The following FAR1 variants were observed in gnomAD, a reference collection of about 807,000 sequenced individuals.
FAR1 encodes the protein male sterility domain-containing protein 2.
In FAR1, 22 loss-of-function variants were observed where a neutral mutation model predicts 61.1. That is an observed-to-expected ratio of 0.36 (90% confidence interval 0.26 to 0.51). FAR1 has a LOEUF of 0.51. FAR1 is among the 20% of genes least tolerant of loss of function. The pLI is 0.95. For synonymous variants in FAR1, 206 were observed against 209.7 expected, an observed-to-expected ratio of 0.98 and a Z score of 0.15; for missense variants, 359 against 626.9, an observed-to-expected ratio of 0.57 and a Z score of 4.56.
intron 1 of FAR1, chr11:13,669,729 G>GATCCTCCTC (rs1476535590): frequency 2.0e-5 from 3 of 152,132 alleles, no homozygotes; most frequent in Non-Finnish European, 4.4e-5. Flanking sequence ...TACTGGGGCT[G>GATCCTCCTC]ATCCTCCTCC....
intron 1 of FAR1, among the ~76,000 whole-genome samples, chr11:13,691,054 A>G (rs144719718): frequency 1.3e-5 from 2 of 152,364 alleles, no homozygotes; most frequent in East Asian, 3.9e-4. Flanking sequence ...TGGGTAATCT[A>G]TAAAGAACAG....
chr11:13,706,975 G>T (rs1848439185), intron 3 of FAR1, among the ~76,000 whole-genome samples: 1 of 152,078 alleles, frequency 6.6e-6, no homozygotes, highest in Non-Finnish European at 1.5e-5. Flanking sequence ...TTTGAACACA[G>T]GTCTGATTCC....
At chr11:13,722,565 C>T (rs1848622326) in intron 10 of FAR1, among the ~76,000 whole-genome samples, 1 of 151,958 alleles carries the variant, frequency 6.6e-6, no homozygotes, top group Non-Finnish European at 1.5e-5. Flanking sequence ...CCTCTGCCTC[C>T]CGGGTTCAAG....
chr11:13,689,583 G>A (rs1347607438), intron 1 of FAR1, among the ~76,000 whole-genome samples: 3 of 152,108 alleles, frequency 2.0e-5, no homozygotes, highest in African/African-American at 7.2e-5. Context: ...AACAAAAATG[G>A]TGCTGTTATA....
chr11:13,700,293 A>G (rs1419187056), intron 2 of FAR1, 24 bp from the exon 3 acceptor site: 3 of 1,540,568 alleles, frequency 1.9e-6, no homozygotes, highest in East Asian at 2.4e-5. Flanking sequence ...CTGCTGTAAA[A>G]TAAATATTTT....
Position 13,710,735 on chromosome 11 carries a change from G to A in FAR1, c.588G>A (p.Leu196=). Reference sequence around the variant, plus strand: ...TAGTAAATGATATCACGCCAAAATTGATAGGAGACAGACCTAATACATACA... The same window carrying A: ...TAGTAAATGATATCACGCCAAAATTAATAGGAGACAGACCTAATACATACA... The part of the protein sequence containing the change: ...DGLVNDITPK[L]IGDRPNTYIY... Residue 196 remains leucine, a synonymous_variant, in exon 5 of 12, where the codon TTG becomes TTA. Transcript: ENST00000354817. 6.2e-7 allele frequency: 1 copy of A among 1,603,518 alleles called. No individual in the cohort carries two copies. Among genetic ancestry groups the A allele is most frequent in the Non-Finnish European group, 8.5e-7 (1 of 1,177,534 alleles).
intron 3 of FAR1, among the ~76,000 whole-genome samples, chr11:13,703,020 C>T (rs1260663217): frequency 2.0e-5 from 3 of 152,182 alleles, no homozygotes; most frequent in African/African-American, 7.2e-5. Context: ...TGTTCACTGA[C>T]CTAGCCCTTG....
chr11:13,701,936 A>G (rs1259944702), intron 3 of FAR1, among the ~76,000 whole-genome samples: 4 of 152,166 alleles, frequency 2.6e-5, no homozygotes, highest in East Asian at 1.9e-4. Flanking sequence ...GTGAGTTTGT[A>G]TAAGTTATTA....
intron 1 of FAR1, among the ~76,000 whole-genome samples, chr11:13,694,123 T>C (rs952901788): frequency 6.6e-6 from 1 of 152,218 alleles, no homozygotes; most frequent in Non-Finnish European, 1.5e-5. Flanking sequence ...GGTTGTTTTC[T>C]TAATATGTCT....
intron 1 of FAR1, among the ~76,000 whole-genome samples, chr11:13,677,466 G>A (rs550275803): frequency 6.6e-6 from 1 of 152,276 alleles, no homozygotes; most frequent in South Asian, 2.1e-4. Flanking sequence ...AGTTTGTTAT[G>A]GGATTTAGTC....
intron 1 of FAR1, among the ~76,000 whole-genome samples, chr11:13,669,079 C>T (rs1847963346): frequency 6.6e-6 from 1 of 152,134 alleles, no homozygotes. Flanking sequence ...GCCGCGGAGC[C>T]CGGGGAGCCG....
At chr11:13,723,520 A>G (rs2134200982) in intron 10 of FAR1, 1 of 338,234 alleles carries the variant, frequency 3.0e-6, no homozygotes, top group East Asian at 8.1e-5. Flanking sequence ...GCCGCTTGGC[A>G]GTATCACTAT....
At position 13,707,888 on chromosome 11, in the gene FAR1, C is replaced by T; in HGVS notation, c.366-12C>T. ...TCCCAATTTTCTATTGTCACTTTTT[C>T]TTTTTAAACAGAGATGCTGTTCAGT... On this transcript the variant is annotated splice_polypyrimidine_tract_variant and intron_variant, in intron 3 of 11. Transcript: ENST00000354817. 2.7e-6 allele frequency: 4 copies of T among 1,472,486 alleles called. No homozygotes were observed. Among genetic ancestry groups the T allele is most frequent in the Admixed American group, 4.7e-5 (2 of 42,736 alleles). The allele number at this position is 1,472,486 out of a possible 1,614,324, so 91.2% of individuals were successfully genotyped here. A position where few individuals can be genotyped will look rare whatever the true frequency, so the allele number is the denominator to read the frequency against.
chr11:13,720,202 T>A (rs909336524), intron 9 of FAR1: 11 of 152,184 alleles, frequency 7.2e-5, no homozygotes, highest in Non-Finnish European at 1.5e-4. Context: ...AATCTGAAGA[T>A]AAGATTAGGT....
rs962045705 is a variant in FAR1 at position 13,727,487 on chromosome 11, T to G, written c.1258-69T>G. 16 of 1,424,304 alleles carry G rather than the reference T, an allele frequency of 1.1e-5. No homozygotes were observed. In the Admixed American group the frequency reaches 3.2e-4, roughly 29 times the overall value. The allele number at this position is 1,424,304 out of a possible 1,614,324, so 88.2% of individuals were successfully genotyped here. On this transcript the variant is annotated intron_variant, in intron 10 of 11. Transcript: ENST00000354817. ...ACTTGGAACTGGCCTTTAGAAAAAG[T>G]GTGAATTTCTGACTGGTTGTGAGAA...
chr11:13,689,879 T>A (rs1848229284), intron 1 of FAR1, among the ~76,000 whole-genome samples: 1 of 150,512 alleles, frequency 6.6e-6, no homozygotes, highest in Admixed American at 6.6e-5. Context: ...CGATCTTTTT[T>A]TTTTTTTTTT....
intron 3 of FAR1, among the ~76,000 whole-genome samples, chr11:13,703,933 G>A (rs1848405326): frequency 6.6e-6 from 1 of 151,510 alleles, no homozygotes; most frequent in South Asian, 2.1e-4. Flanking sequence ...AATCTCAGCT[G>A]CTTGGGAGGT....
chr11:13,691,915 C>T (rs1848254308), intron 1 of FAR1, among the ~76,000 whole-genome samples: 1 of 152,122 alleles, frequency 6.6e-6, no homozygotes, highest in African/African-American at 2.4e-5. Context: ...TGCCAGTAAT[C>T]CTAGCACTTT....
At chr11:13,727,776 C>A in intron 11 of FAR1, 93 bp downstream of exon 11, 1 of 1,159,118 alleles carries the variant, frequency 8.6e-7, no homozygotes, top group Non-Finnish European at 1.2e-6. Flanking sequence ...CTATATCTGT[C>A]ATTCAAAGAT....
Sources: allele counts gnomAD v4.1 joint callset (sites outside exome capture counted in the v4.1 genomes callset), GRCh38; gene constraint gnomAD v4.1.1; transcripts MANE v1.5; gene names NCBI Gene and HGNC (gene_info 2026-07-23, HGNC 2026-07-21).